Variants in DAB1 observed in about 807,000 individuals in gnomAD.
DAB1 encodes disabled homolog 1.
A neutral mutation model predicts 64.6 loss-of-function variants in DAB1; 15 were observed. The ratio of observed to expected loss-of-function variants is 0.23; its 90% CI spans 0.16 to 0.36. The LOEUF is 0.36. DAB1 is among the 10% of genes least tolerant of loss of function. DAB1 has a pLI of 1.00. For synonymous variants in DAB1, 235 were observed against 251.9 expected, an observed-to-expected ratio of 0.93 and a Z score of 0.64; for missense variants, 596 against 706.7, an observed-to-expected ratio of 0.84 and a Z score of 1.78.
chr1:57,242,492 T>C (rs1005717349), intron 2 of DAB1, among the ~76,000 whole-genome samples: 3 of 152,148 alleles, frequency 2.0e-5, no homozygotes, highest in African/African-American at 4.8e-5. Context: ...GATTAGCACA[T>C]ATGGGTCTTT....
intron 4 of DAB1, 128 bp downstream of exon 4, chr1:57,136,415 A>T: frequency 2.2e-6 from 1 of 464,642 alleles, no homozygotes; most frequent in Non-Finnish European, 3.7e-6. Context: ...ATCAGAGTTG[A>T]TCAAGTTTGT....
intron 1 of DAB1, among the ~76,000 whole-genome samples, chr1:57,333,225 C>T (rs76514148): frequency 6.6e-6 from 1 of 152,138 alleles, no homozygotes; most frequent in Non-Finnish European, 1.5e-5. Context: ...TTGTTTACCA[C>T]CATTGTCCTA....
chr1:57,031,125 C>T lies in DAB1; in HGVS notation c.724-5082G>A, dbSNP rs182924786. On this transcript the variant is annotated intron_variant, in intron 9 of 14. Coordinates refer to ENST00000371236, the MANE Select transcript of DAB1 (RefSeq NM_001365792.1). ...AGATGATTTTCACTCAAGGATTAAACGAGAAAAACATGCAGAGGCATAAAA... is the reference window on the plus strand; with the variant it reads ...AGATGATTTTCACTCAAGGATTAAATGAGAAAAACATGCAGAGGCATAAAA... 1.1e-3 allele frequency among the ~76,000 whole-genome samples: 162 copies of T among 152,198 alleles called. 3 individuals carry two copies. In the East Asian group the frequency reaches 0.018, roughly 17 times the overall value.
At chr1:57,087,778 C>T (rs1653239187) in intron 4 of DAB1, among the ~76,000 whole-genome samples, 1 of 152,178 alleles carries the variant, frequency 6.6e-6, no homozygotes, top group Non-Finnish European at 1.5e-5. Flanking sequence ...CTCTGCTTTC[C>T]CTTTGCTCAG....
chr1:58,328,693 C>T (rs1210657635), intron 4 of DAB1, among the ~76,000 whole-genome samples: 2 of 152,144 alleles, frequency 1.3e-5, no homozygotes, highest in Non-Finnish European at 2.9e-5. Flanking sequence ...GCAACCTCCA[C>T]CTACCAGGTT....
At chr1:57,508,473 A>G (rs763112853) in intron 7 of DAB1, among the ~76,000 whole-genome samples, 5 of 152,238 alleles carry the variant, frequency 3.3e-5, no homozygotes, top group Non-Finnish European at 7.3e-5. Flanking sequence ...CATCTTCTCA[A>G]TAGCAGCACC....
intron 6 of DAB1, among the ~76,000 whole-genome samples, chr1:57,781,449 A>G (rs1460273289): frequency 6.6e-6 from 1 of 151,946 alleles, no homozygotes; most frequent in East Asian, 1.9e-4. Context: ...TATTATTTAG[A>G]GACACCTATT....
intron 5 of DAB1, among the ~76,000 whole-genome samples, chr1:57,919,022 G>C (rs1644772624): frequency 6.6e-6 from 1 of 152,164 alleles, no homozygotes; most frequent in Non-Finnish European, 1.5e-5. Context: ...ATCCTCATAA[G>C]GGTAGGTGGT....
intron 7 of DAB1, among the ~76,000 whole-genome samples, chr1:57,564,005 G>A (rs1258902104): frequency 6.6e-6 from 1 of 152,202 alleles, no homozygotes; most frequent in African/African-American, 2.4e-5. Flanking sequence ...GTGGGTCCCT[G>A]ACCCCTGAGT....
chr1:57,373,048 G>A (rs1178138047), intron 1 of DAB1, among the ~76,000 whole-genome samples: 1 of 152,072 alleles, frequency 6.6e-6, no homozygotes, highest in Non-Finnish European at 1.5e-5. Flanking sequence ...GCTGGGCATG[G>A]TGGCATGCAC....
At chr1:57,071,498 G>A (rs775306022) in intron 6 of DAB1, 24 bp downstream of exon 6, 53 of 1,599,238 alleles carry the variant, frequency 3.3e-5, no homozygotes, top group African/African-American at 4.1e-5. Context: ...GATCTCCAGC[G>A]CAAGGATAAA....
intron 5 of DAB1, among the ~76,000 whole-genome samples, chr1:57,999,578 T>G (rs1646476530): frequency 6.6e-6 from 1 of 152,094 alleles, no homozygotes; most frequent in African/African-American, 2.4e-5. Flanking sequence ...CAGCAGACAC[T>G]TGGTAATGTC....
At chr1:57,200,160 C>G (rs927211383) in intron 2 of DAB1, among the ~76,000 whole-genome samples, 6 of 152,158 alleles carry the variant, frequency 3.9e-5, no homozygotes, top group African/African-American at 1.4e-4. Flanking sequence ...GACTATACTC[C>G]TGTCTCTCCC....
chr1:58,187,307 A>AT (rs1657132318), intron 4 of DAB1, among the ~76,000 whole-genome samples: 1 of 151,444 alleles, frequency 6.6e-6, no homozygotes, highest in South Asian at 2.1e-4. Context: ...AAAAAAAAAA[A>AT]AAGTAAAAAT....
intron 7 of DAB1, among the ~76,000 whole-genome samples, chr1:57,583,920 T>C (rs1466244371): frequency 6.6e-6 from 1 of 152,186 alleles, no homozygotes; most frequent in Non-Finnish European, 1.5e-5. Context: ...CTTAGGGCTA[T>C]GCTGTTTTCT....
At chr1:57,872,711 G>A (rs1643973993) in intron 1 of DAB1, among the ~76,000 whole-genome samples, 2 of 152,130 alleles carry the variant, frequency 1.3e-5, no homozygotes, top group Non-Finnish European at 2.9e-5. Flanking sequence ...CAGTGTTGTG[G>A]AGCCCAGAGG....
At chr1:57,464,867 T>C (rs1405504655) in intron 7 of DAB1, among the ~76,000 whole-genome samples, 1 of 151,344 alleles carries the variant, frequency 6.6e-6, no homozygotes, top group Non-Finnish European at 1.5e-5. Context: ...TGAGACAAGA[T>C]ACACATCAAG....
chr1:57,702,275 T>C (rs76295981), intron 6 of DAB1, among the ~76,000 whole-genome samples: 4,493 of 152,264 alleles, frequency 0.03, 237 homozygotes, highest in African/African-American at 0.1. Flanking sequence ...ACTTTGGTGC[T>C]GAGTATTTCT....
intron 7 of DAB1, among the ~76,000 whole-genome samples, chr1:57,540,917 A>G (rs1644794150): frequency 6.6e-6 from 1 of 152,196 alleles, no homozygotes; most frequent in Non-Finnish European, 1.5e-5. Context: ...AACACAGTAG[A>G]CTGAATATAC....
Sources: gnomAD v4.1 joint callset for allele counts (sites outside exome capture counted in the v4.1 genomes callset) on GRCh38, gnomAD v4.1.1 for gene constraint, MANE v1.5 for transcripts, NCBI Gene and HGNC (gene_info 2026-07-23, HGNC 2026-07-21) for gene names.